MYO5B: variants seen among roughly 807,000 people sequenced by gnomAD.
The protein encoded by MYO5B is myosin VB, also known as unconventional myosin-Vb.
A neutral mutation model predicts 229.3 loss-of-function variants in MYO5B; 143 were observed. The observed-to-expected ratio is 0.62, with a 90% CI of 0.54 to 0.72. MYO5B has a LOEUF of 0.72. Ranked by LOEUF, MYO5B falls within the 30% of genes least tolerant of loss-of-function variation. MYO5B has a pLI of 0.00. For missense variants in MYO5B, 2,321 were observed against 2,331.0 expected, an observed-to-expected ratio of 1.00 and a Z score of 0.09; for synonymous variants, 918 against 885.2, an observed-to-expected ratio of 1.04 and a Z score of -0.66.
At position 49,825,815 on chromosome 18, in the gene MYO5B, C is replaced by T. The variant is rs2023837041; in HGVS notation, c.*656G>A. On this transcript the variant is annotated 3_prime_UTR_variant, in exon 40 of 40. Coordinates refer to ENST00000285039, the MANE Select transcript of MYO5B (RefSeq NM_001080467.3). ...AAGATAACACAAAAGCGTTTGAGCA[C>T]ACTGAGGACTGGCACTTCTAATTTT... The T allele has an allele frequency of 6.5e-6, 1 of 153,796 alleles. No homozygotes were observed. Among genetic ancestry groups the T allele is most frequent in the Non-Finnish European group, 1.5e-5 (1 of 68,898 alleles). 9.5% of individuals were successfully genotyped at this position (153,796 alleles called of 1,614,324 possible). A position where few individuals can be genotyped will look rare whatever the true frequency, so the allele number is the denominator to read the frequency against.
chr18:50,103,846 T>C (rs1182312795), intron 1 of MYO5B, among the ~76,000 whole-genome samples: 2 of 152,064 alleles, frequency 1.3e-5, no homozygotes, highest in African/African-American at 4.8e-5. Context: ...AATAATAATT[T>C]GCCGTCAAGC....
At chr18:49,870,648 T>A (rs933286977) in intron 27 of MYO5B, among the ~76,000 whole-genome samples, 5 of 152,090 alleles carry the variant, frequency 3.3e-5, no homozygotes, top group Non-Finnish European at 7.4e-5. Flanking sequence ...AAAGACTACA[T>A]AGAAATGGCC....
chr18:50,111,263 A>AT (rs2031859634), intron 1 of MYO5B, among the ~76,000 whole-genome samples: 1 of 152,222 alleles, frequency 6.6e-6, no homozygotes, highest in South Asian at 2.1e-4. Context: ...AATCTGTAGC[A>AT]TTTTTTGCTA....
intron 4 of MYO5B, among the ~76,000 whole-genome samples, chr18:50,005,103 T>C (rs545874586): frequency 5.9e-5 from 9 of 152,312 alleles, no homozygotes; most frequent in Non-Finnish European, 1.2e-4. Context: ...TCCAGCCAGA[T>C]TAAATTGCTA....
intron 4 of MYO5B, among the ~76,000 whole-genome samples, chr18:50,031,122 T>C (rs1026762562): frequency 3.3e-5 from 5 of 152,084 alleles, no homozygotes; most frequent in African/African-American, 9.7e-5. Flanking sequence ...AGAGAGGCGG[T>C]AGGGCTTCTT....
chr18:50,099,047 G>A (rs2031606889), intron 1 of MYO5B: 1 of 152,730 alleles, frequency 6.5e-6, no homozygotes, highest in Admixed American at 6.5e-5. Flanking sequence ...ATGAGTCTCA[G>A]CAACTGCTTA....
At position 49,911,878 on chromosome 18, in the gene MYO5B, T is replaced by C. The variant is rs1438355159; in HGVS notation, c.2202+184A>G. On this transcript the variant is annotated intron_variant, in intron 18 of 39. Transcript: ENST00000285039. The stretch of plus-strand genomic sequence containing the variant: ...AGCTGTAAAAAAGGTTGGGAAGTGC[T>C]CTAGATAAGGAGAATGGGTTGCTTT... Among the ~76,000 whole-genome samples, 3 of 152,088 alleles carry C rather than the reference T, an allele frequency of 2.0e-5. No homozygotes were observed. In the East Asian group the frequency reaches 5.8e-4, roughly 29 times the overall value.
rs1439053094 is a variant in MYO5B at position 49,916,214 on chromosome 18, TG to T, written c.2091-4042del. ...ATTTAGCTGGGCTAAAAACCTTAAA[TG>T]CTTCTAATTTGAAAACCTCTTACTG... On this transcript the variant is annotated intron_variant, in intron 17 of 39. Transcript: ENST00000285039. Among the ~76,000 whole-genome samples, 5 of 152,364 alleles carry T rather than the reference TG, an allele frequency of 3.3e-5. No individual in the cohort carries two copies. In the East Asian group the frequency reaches 9.6e-4, roughly 29 times the overall value.
At chr18:49,908,450 TA>T in intron 18 of MYO5B, among the ~76,000 whole-genome samples, 1 of 152,306 alleles carries the variant, frequency 6.6e-6, no homozygotes, top group Non-Finnish European at 1.5e-5. Flanking sequence ...TCACAGATGA[TA>T]AAACTGAAGC....
chr18:49,968,240 T>C (rs377019657), intron 10 of MYO5B, among the ~76,000 whole-genome samples: 1 of 152,204 alleles, frequency 6.6e-6, no homozygotes, highest in Non-Finnish European at 1.5e-5. Context: ...GTCGGGCTGC[T>C]TATTCTCGTG....
chr18:50,167,234 T>C (rs947491856), intron 1 of MYO5B, among the ~76,000 whole-genome samples: 8 of 152,242 alleles, frequency 5.3e-5, no homozygotes, highest in Non-Finnish European at 1.2e-4. Context: ...CTAGTGTAAA[T>C]TCACAACTTG....
chr18:49,980,117 G>C (rs1439563442), intron 9 of MYO5B, among the ~76,000 whole-genome samples: 1 of 152,130 alleles, frequency 6.6e-6, no homozygotes, highest in Admixed American at 6.5e-5. Context: ...CCTTGCAGTG[G>C]GGACCTCAGT....
rs988598891 is a variant in MYO5B, at chr18:50,163,409, C to G, written c.27+31358G>C. Among the ~76,000 whole-genome samples the G allele has an allele frequency of 2.0e-5, 3 of 152,324 alleles. No homozygotes were observed. In the Middle Eastern group the frequency reaches 0.01, roughly 518 times the overall value. ...TTTTCCCCTCCATCACCACATCAGC[C>G]CAGCCCTGCAGATTTCATAAGCAAT... On this transcript the variant is annotated intron_variant, in intron 1 of 39. Transcript: ENST00000285039.
intron 21 of MYO5B, among the ~76,000 whole-genome samples, chr18:49,895,819 A>G (rs1279470814): frequency 6.6e-6 from 1 of 152,186 alleles, no homozygotes; most frequent in Non-Finnish European, 1.5e-5. Context: ...CAGGCAACAC[A>G]CAGGTGTGAA....
At chr18:50,008,423 A>G (rs1003976902) in intron 4 of MYO5B, among the ~76,000 whole-genome samples, 4 of 152,210 alleles carry the variant, frequency 2.6e-5, no homozygotes, top group Non-Finnish European at 4.4e-5. Context: ...GTATAGCAGT[A>G]CCGGCTGAGC....
intron 21 of MYO5B, 32 bp downstream of exon 21, chr18:49,902,562 C>A (rs748720618): frequency 6.2e-7 from 1 of 1,606,428 alleles, no homozygotes; most frequent in South Asian, 1.1e-5. Context: ...CCCAAGCCCC[C>A]GACACCCAGG....
chr18:50,188,434 G>C (rs538641551), intron 1 of MYO5B, among the ~76,000 whole-genome samples: 1 of 152,216 alleles, frequency 6.6e-6, no homozygotes, highest in Non-Finnish European at 1.5e-5. Context: ...AGTGTACTTT[G>C]TGTATTTAGC....
At chr18:50,004,197 AG>A (rs367788875) in intron 4 of MYO5B, among the ~76,000 whole-genome samples, 20 of 152,222 alleles carry the variant, frequency 1.3e-4, no homozygotes, top group African/African-American at 4.8e-4. Flanking sequence ...GGAATCAAAA[AG>A]GGGGCTAGGT....
chr18:49,963,114 G>T lies in MYO5B; in HGVS notation c.1323-84C>A, dbSNP rs148148739. The T allele has an allele frequency of 5.1e-5, 55 of 1,075,110 alleles. No individual in the cohort carries two copies. The East Asian group carries it at 1.3e-3, about 25-fold the overall frequency. The allele number at this position is 1,075,110 out of a possible 1,614,324, so 66.6% of individuals were successfully genotyped here. On this transcript the variant is annotated intron_variant, in intron 10 of 39. Transcript: ENST00000285039. ...CTTCAACAAAGCTGCTCTGACCCAG[G>T]TCTCCCCCGATGCCACTACAGAATC...
Sources: gnomAD v4.1 joint callset for allele counts (sites outside exome capture counted in the v4.1 genomes callset) on GRCh38, gnomAD v4.1.1 for gene constraint, MANE v1.5 for transcripts, NCBI Gene and HGNC (gene_info 2026-07-23, HGNC 2026-07-21) for gene names.